MOB2: variants seen among roughly 807,000 people sequenced by gnomAD.
MOB2 encodes the protein MOB2 Mps One Binder homolog.
Under a neutral mutation model 27.4 loss-of-function variants are expected in MOB2, and 14 were observed. That is an observed-to-expected ratio of 0.51 (90% CI 0.34 to 0.80). The LOEUF (loss-of-function observed/expected upper bound fraction) is 0.80. Ranked by LOEUF, MOB2 falls within the 30% of genes least tolerant of loss-of-function variation. The pLI, the probability that MOB2 is intolerant of heterozygous loss-of-function variation, is 0.01. For missense variants in MOB2, 304 were observed against 354.6 expected (o/e 0.86, Z 1.15); for synonymous variants, 167 against 151.8 (o/e 1.10, Z -0.74).
intron 1 of MOB2, chr11:1,481,244 A>G: frequency 2.8e-6 from 1 of 352,532 alleles, no homozygotes; most frequent in Non-Finnish European, 5.5e-6. Flanking sequence ...GTGCTCTTGG[A>G]AGGAAAGGAG....
At chr11:1,480,695 G>A (rs746288563) in intron 2 of MOB2, 30 bp downstream of exon 2, 7 of 1,593,602 alleles carry the variant, frequency 4.4e-6, no homozygotes, top group Non-Finnish European at 5.1e-6. Context: ...AGGGAGGAGG[G>A]AGGGGGCCCG....
At chr11:1,479,083 G>A (rs1352262938) in intron 3 of MOB2, among the ~76,000 whole-genome samples, 4 of 152,220 alleles carry the variant, frequency 2.6e-5, no homozygotes, top group African/African-American at 9.6e-5. Context: ...GGCCCTCCAA[G>A]GGGACATAGG....
chr11:1,485,350 C>A (rs1195862538), intron 1 of MOB2, among the ~76,000 whole-genome samples: 1 of 152,174 alleles, frequency 6.6e-6, no homozygotes, highest in African/African-American at 2.4e-5. Flanking sequence ...AGGCACCATT[C>A]CTGATTTGAA....
At chr11:1,473,596 A>G (rs186965190) in intron 3 of MOB2, among the ~76,000 whole-genome samples, 42 of 152,354 alleles carry the variant, frequency 2.8e-4, no homozygotes, top group African/African-American at 9.6e-4. Context: ...AGGTCTCAAA[A>G]CAGTGGAGGT....
At chr11:1,471,131 C>G (rs1256639480) in intron 4 of MOB2, among the ~76,000 whole-genome samples, 164 bp downstream of exon 4, 1 of 152,232 alleles carries the variant, frequency 6.6e-6, no homozygotes, top group Non-Finnish European at 1.5e-5. Flanking sequence ...CGGCCTCACC[C>G]CACAGCCCAG....
chr11:1,475,339 C>G (rs1847840899), intron 3 of MOB2, among the ~76,000 whole-genome samples: 1 of 151,984 alleles, frequency 6.6e-6, no homozygotes, highest in Non-Finnish European at 1.5e-5. Flanking sequence ...CACAGGGATA[C>G]AGCAATCCCC....
rs1847974955 is a variant in MOB2 at position 1,486,763 on chromosome 11, C to T, written c.-207G>A. ...GTCTGAATTGGCCTTTTCCAAGTGG[C>T]ATGGCTGCCAGAAGAGGCGGTGGGG... On this transcript the variant is annotated 5_prime_UTR_variant, in exon 1 of 5. An upstream start codon of the reference 5' UTR is lost. Coordinates refer to ENST00000329957, the MANE Select transcript of MOB2 (RefSeq NM_001172223.3). The T allele has an allele frequency of 1.9e-6, 1 of 539,028 alleles. No homozygotes were observed. The allele number at this position is 539,028 out of a possible 1,614,324, so 33.4% of individuals were successfully genotyped here. A position where few individuals can be genotyped will look rare whatever the true frequency, so the allele number is the denominator to read the frequency against.
chr11:1,482,197 G>A (rs531377199), intron 1 of MOB2, among the ~76,000 whole-genome samples: 99 of 152,352 alleles, frequency 6.5e-4, no homozygotes, highest in African/African-American at 2.2e-3. Flanking sequence ...CTGCCAAGCG[G>A]GCTACAAGCC....
intron 4 of MOB2, among the ~76,000 whole-genome samples, chr11:1,470,861 G>GGTGGCGATGGTGGCACAGGCC (rs1169605015): frequency 6.6e-6 from 1 of 152,248 alleles, no homozygotes; most frequent in Non-Finnish European, 1.5e-5. Flanking sequence ...CCAGGACGGA[G>GGTGGCGATGGTGGCACAGGCC]GTGGCGATGG....
chr11:1,485,068 A>T (rs1847956055), intron 1 of MOB2, among the ~76,000 whole-genome samples: 1 of 152,054 alleles, frequency 6.6e-6, no homozygotes, highest in Admixed American at 6.5e-5. Context: ...CTGTCCTAGA[A>T]CCTCAGCCCC....
intron 3 of MOB2, chr11:1,472,108 T>C (rs923357769): frequency 8.6e-5 from 13 of 151,902 alleles, no homozygotes; most frequent in African/African-American, 3.1e-4. Flanking sequence ...ATGACAAGGG[T>C]GTGCTCTAGT....
chr11:1,483,982 G>A (rs1393299940), intron 1 of MOB2, among the ~76,000 whole-genome samples: 1 of 152,186 alleles, frequency 6.6e-6, no homozygotes, highest in Non-Finnish European at 1.5e-5. Context: ...GCTGGGGAGT[G>A]GGCTGGGAGC....
At chr11:1,478,244 G>A (rs1208819239) in intron 3 of MOB2, among the ~76,000 whole-genome samples, 3 of 152,144 alleles carry the variant, frequency 2.0e-5, no homozygotes, top group East Asian at 1.9e-4. Flanking sequence ...CCCCACGGCC[G>A]CCCTGGGAAC....
At chr11:1,480,603 G>C in intron 2 of MOB2, 117 bp from the exon 3 acceptor site, 5 of 1,529,312 alleles carry the variant, frequency 3.3e-6, no homozygotes, top group Non-Finnish European at 4.5e-6. Context: ...CCCGTCCACG[G>C]GCCACATTCT....
intron 4 of MOB2, 49 bp from the exon 5 acceptor site, chr11:1,470,537 C>A (rs753336654): frequency 1.0e-5 from 16 of 1,567,534 alleles, no homozygotes; most frequent in East Asian, 2.3e-5. Flanking sequence ...TTGGCCCCAA[C>A]AGAGGCCAGG....
intron 3 of MOB2, among the ~76,000 whole-genome samples, chr11:1,478,910 C>A (rs1237992051): frequency 6.6e-6 from 1 of 152,206 alleles, no homozygotes; most frequent in Admixed American, 6.5e-5. Context: ...CCCTGAGGCC[C>A]TCTGAGAAGT....
chr11:1,481,727 CAGGGGCAGGGGCAGGG>C (rs1449521417), intron 1 of MOB2: 3 of 40,664 alleles, frequency 7.4e-5, no homozygotes, highest in African/African-American at 1.9e-4. Flanking sequence ...GGGGCAGGGG[CAGGGGCAGGGGCAGGG>C]AGGGGCAGGG....
At chr11:1,483,638 G>T (rs1469169299) in intron 1 of MOB2, among the ~76,000 whole-genome samples, 1 of 152,166 alleles carries the variant, frequency 6.6e-6, no homozygotes, top group East Asian at 1.9e-4. Context: ...CTGTTTGTGG[G>T]CACCAGCTGC....
intron 1 of MOB2, among the ~76,000 whole-genome samples, chr11:1,481,862 G>A (rs1483478959): frequency 6.6e-6 from 1 of 152,170 alleles, no homozygotes; most frequent in Non-Finnish European, 1.5e-5. Flanking sequence ...GCACAGGTGT[G>A]GATGGGCCAC....
Sources: gnomAD v4.1 joint callset for allele counts (sites outside exome capture counted in the v4.1 genomes callset) on GRCh38, gnomAD v4.1.1 for gene constraint, MANE v1.5 for transcripts, NCBI Gene and HGNC (gene_info 2026-07-23, HGNC 2026-07-21) for gene names.